Variants in APC observed in about 807,000 individuals in gnomAD.
The protein encoded by APC is APC regulator of Wnt signaling pathway.
APC carries 72 observed loss-of-function variants against 247.0 expected under a neutral mutation model. That is an observed-to-expected ratio of 0.29 (90% CI 0.24 to 0.35). The LOEUF (loss-of-function observed/expected upper bound fraction) is 0.35, where lower values mean the gene tolerates loss of function less well. APC is among the 10% of genes least tolerant of loss of function. The pLI, the probability that APC is intolerant of heterozygous loss-of-function variation, is 1.00. For missense variants in APC, 3,400 were observed against 3,360.7 expected (o/e 1.01, Z -0.29); for synonymous variants, 1,254 against 1,162.5 (o/e 1.08, Z -1.60).
rs181961382 is a variant in APC, at chr5:112,782,857, A to T, written c.645+1954A>T. Among the ~76,000 whole-genome samples, 1,515 of 152,326 alleles carry T rather than the reference A, an allele frequency of 9.9e-3. 9 individuals are homozygous for T. The highest frequency in any genetic ancestry group is 0.015 in the Non-Finnish European group (1,027 of 68,010). ...ACTTACAAATTGGGAGAAGATATTTATTACCATATAACTGGCAAAGAACTA... is the reference window on the plus strand; with the variant it reads ...ACTTACAAATTGGGAGAAGATATTTTTTACCATATAACTGGCAAAGAACTA... On this transcript the variant is annotated intron_variant, in intron 6 of 15. Coordinates refer to ENST00000257430, the MANE Select transcript of APC (RefSeq NM_000038.6).
Position 112,842,000 on chromosome 5 carries a change from C to A in APC, c.6406C>A (p.Leu2136Ile), listed in dbSNP as rs780856653. 2.5e-6 allele frequency: 4 copies of A among 1,612,996 alleles called. No individual in the cohort carries two copies. In the South Asian group the frequency reaches 3.3e-5, roughly 13 times the overall value. ...AGCTTCGTCTGATTCAGATTCCATC[C>A]TTTCCCTGAAATCAGGAATCTCTCT... The part of the protein sequence containing the change: ...RQASSDSDSI[L>I]SLKSGISLGS... Residue 2136 changes from leucine to isoleucine, a missense_variant, in exon 16 of 16, where the codon CTT (leucine) becomes ATT (isoleucine). Physicochemically the swap from Leu to Ile is conservative, Grantham distance 5. Transcript: ENST00000257430. The surrounding 1 kb of genome is among the most constrained non-coding windows in gnomAD (Gnocchi z 4.6).
At chr5:112,815,432 A>G (rs932270857) in intron 8 of APC, 63 bp from the exon 9 acceptor site, 12 of 1,189,242 alleles carry the variant, frequency 1.0e-5, no homozygotes, top group African/African-American at 6.0e-5. Flanking sequence ...GTACCTTAAC[A>G]TGATGTTATC....
chr5:112,781,656 G>A lies in APC; in HGVS notation c.645+753G>A, dbSNP rs565378229. Reference sequence around the variant, plus strand: ...CATGGTAGTGATACACATACATTTTGTATTCTATAAAACATATTAAATAGT... The same window carrying A: ...CATGGTAGTGATACACATACATTTTATATTCTATAAAACATATTAAATAGT... On this transcript the variant is annotated intron_variant, in intron 6 of 15. Coordinates refer to ENST00000257430, the MANE Select transcript of APC (RefSeq NM_000038.6). Among the ~76,000 whole-genome samples, 131 of 152,046 alleles carry A rather than the reference G, an allele frequency of 8.6e-4. 1 individual carries two copies. Among genetic ancestry groups the A allele is most frequent in the African/African-American group, 3.1e-3 (128 of 41,458 alleles).
intron 14 of APC, among the ~76,000 whole-genome samples, chr5:112,832,195 G>A (rs1038121756): frequency 6.6e-6 from 1 of 151,962 alleles, no homozygotes; most frequent in Non-Finnish European, 1.5e-5. Flanking sequence ...TCTGGCCCTT[G>A]ACATGTAGCC....
At chr5:112,708,185 G>A (rs1423746604) in intron 1 of APC, among the ~76,000 whole-genome samples, 1 of 152,120 alleles carries the variant, frequency 6.6e-6, no homozygotes, top group African/African-American at 2.4e-5. Context: ...TGGGTCGTCC[G>A]CCCTTCCCAT....
intron 7 of APC, among the ~76,000 whole-genome samples, chr5:112,794,705 A>G (rs1195092054): frequency 6.6e-6 from 1 of 152,136 alleles, no homozygotes; most frequent in Non-Finnish European, 1.5e-5. Flanking sequence ...ACTCCTTCAC[A>G]AGACTGCTCC....
At chr5:112,774,696 T>G (rs888520684) in intron 4 of APC, among the ~76,000 whole-genome samples, 3 of 151,964 alleles carry the variant, frequency 2.0e-5, no homozygotes, top group Non-Finnish European at 4.4e-5. Context: ...AGGCTGGTAT[T>G]GAACTCCTGA....
chr5:112,818,153 C>A (rs1191093136), intron 9 of APC, among the ~76,000 whole-genome samples: 1 of 152,106 alleles, frequency 6.6e-6, no homozygotes, highest in East Asian at 1.9e-4. Context: ...AAAATTGCCC[C>A]CAGTTGAGAA....
At chr5:112,776,310 C>G (rs1580361853) in intron 5 of APC, among the ~76,000 whole-genome samples, 1 of 152,144 alleles carries the variant, frequency 6.6e-6, no homozygotes, top group African/African-American at 2.4e-5. Flanking sequence ...CTCTGCTGAA[C>G]CAGTAAAACA....
rs145397541 is a variant in APC, at chr5:112,800,235, T to C, written c.730-1044T>C. ...TTCACTTACGTTAGTGTCAAATCTTTGTGGTCTTAGATTCATTTTGTCTCT... is the reference window on the plus strand; with the variant it reads ...TTCACTTACGTTAGTGTCAAATCTTCGTGGTCTTAGATTCATTTTGTCTCT... On this transcript the variant is annotated intron_variant, in intron 7 of 15. Transcript: ENST00000257430. 3.5e-3 allele frequency among the ~76,000 whole-genome samples: 531 copies of C among 152,316 alleles called. 2 individuals are homozygous for C. The highest frequency in any genetic ancestry group is 0.012 in the African/African-American group (518 of 41,582).
At chr5:112,819,595 G>A (rs1179988081) in intron 10 of APC, among the ~76,000 whole-genome samples, 1 of 152,122 alleles carries the variant, frequency 6.6e-6, no homozygotes, top group Admixed American at 6.5e-5. Context: ...AGCATAGTAG[G>A]GCCTTAGTAG....
chr5:112,782,395 A>T (rs1354702631), intron 6 of APC, among the ~76,000 whole-genome samples: 1 of 152,178 alleles, frequency 6.6e-6, no homozygotes, highest in African/African-American at 2.4e-5. Flanking sequence ...CAGCCTAAAC[A>T]TAATGTATAT....
intron 1 of APC, among the ~76,000 whole-genome samples, chr5:112,739,329 G>A (rs889120470): frequency 9.9e-5 from 15 of 152,126 alleles, no homozygotes; most frequent in South Asian, 6.2e-4. Context: ...GAACAAGGAT[G>A]GCAGTGGCTT....
chr5:112,721,243 A>T (rs916869494), intron 1 of APC, among the ~76,000 whole-genome samples: 2 of 152,018 alleles, frequency 1.3e-5, no homozygotes. Flanking sequence ...GTGAAACTCC[A>T]TCTCTAGTAA....
intron 1 of APC, among the ~76,000 whole-genome samples, chr5:112,732,229 A>T (rs1432041074): frequency 6.6e-6 from 1 of 152,186 alleles, no homozygotes; most frequent in East Asian, 1.9e-4. Flanking sequence ...GCTATTTCAA[A>T]ATGGTTTCCC....
intron 7 of APC, among the ~76,000 whole-genome samples, chr5:112,797,574 A>G (rs886770734): frequency 1.3e-5 from 2 of 152,212 alleles, no homozygotes; most frequent in African/African-American, 2.4e-5. Context: ...ATGTGAGGCA[A>G]CCAGTGCTGT....
chr5:112,829,086 A>G (rs1580575908), intron 14 of APC, 114 bp downstream of exon 14: 6 of 742,066 alleles, frequency 8.1e-6, no homozygotes, highest in Admixed American at 2.2e-5. Context: ...ATTCAGTACT[A>G]TAATATGAAT....
intron 2 of APC, among the ~76,000 whole-genome samples, chr5:112,765,821 A>C (rs1440769828): frequency 6.6e-6 from 1 of 152,224 alleles, no homozygotes; most frequent in Non-Finnish European, 1.5e-5. Flanking sequence ...CAGTCATTTG[A>C]ATGTATGCTA....
upstream of APC, among the ~76,000 whole-genome samples, chr5:112,736,097 A>C (rs184946205): frequency 4.7e-4 from 72 of 152,304 alleles, no homozygotes. Context: ...GAAATTACCT[A>C]TTCTGAATTT....
Sources: allele counts gnomAD v4.1 joint callset (sites outside exome capture counted in the v4.1 genomes callset), GRCh38; gene constraint gnomAD v4.1.1; non-coding constraint Gnocchi (gnomAD v3.1); transcripts MANE v1.5; gene names NCBI Gene and HGNC (gene_info 2026-07-23, HGNC 2026-07-21).